DPP10: variants seen among roughly 807,000 people sequenced by gnomAD.
DPP10 encodes dipeptidyl peptidase like 10.
In DPP10, 33 loss-of-function variants were observed where a neutral mutation model predicts 120.9. The observed-to-expected ratio is 0.27, with a 90% CI of 0.21 to 0.37. The LOEUF (loss-of-function observed/expected upper bound fraction) is 0.37, where lower values mean the gene tolerates loss of function less well. Among genes scored for constraint, DPP10 ranks in the 10% least tolerant of loss-of-function variants. The pLI is 1.00. For missense variants in DPP10, 816 were observed against 942.8 expected (o/e 0.87, Z 1.76); for synonymous variants, 337 against 326.1 (o/e 1.03, Z -0.36).
chr2:115,827,414 G>GTACATATA, intron 21 of DPP10, among the ~76,000 whole-genome samples: 1 of 75,438 alleles, frequency 1.3e-5, no homozygotes, highest in South Asian at 5.0e-4. Context: ...ATGTGTGTGT[G>GTACATATA]TATATATATA....
intron 1 of DPP10, among the ~76,000 whole-genome samples, chr2:114,557,741 G>A (rs549889162): frequency 3.9e-5 from 6 of 152,144 alleles, no homozygotes; most frequent in South Asian, 4.2e-4. Flanking sequence ...CTAATGGCTC[G>A]GCTCGCGACT....
intron 5 of DPP10, among the ~76,000 whole-genome samples, chr2:115,530,523 T>TA (rs2078396825): frequency 1.3e-5 from 2 of 151,768 alleles, no homozygotes; most frequent in Non-Finnish European, 2.9e-5. Flanking sequence ...CCACAAAAAA[T>TA]ACAAAAAATT....
intron 1 of DPP10, among the ~76,000 whole-genome samples, chr2:115,203,379 G>A (rs1359639591): frequency 1.3e-5 from 2 of 152,130 alleles, no homozygotes; most frequent in Non-Finnish European, 2.9e-5. Flanking sequence ...ACAAGTGAAA[G>A]TGCTACTGAG....
intron 1 of DPP10, among the ~76,000 whole-genome samples, chr2:114,687,780 T>C (rs1039045593): frequency 4.6e-5 from 7 of 151,970 alleles, no homozygotes; most frequent in Non-Finnish European, 8.8e-5. Context: ...TGCTGTCATG[T>C]GCTAGACTCT....
At chr2:115,542,039 G>A (rs960370425) in intron 5 of DPP10, among the ~76,000 whole-genome samples, 1 of 151,994 alleles carries the variant, frequency 6.6e-6, no homozygotes, top group South Asian at 2.1e-4. Context: ...ATCAAAACCA[G>A]ACAATTGACT....
intron 1 of DPP10, among the ~76,000 whole-genome samples, chr2:114,771,779 T>C (rs1681276139): frequency 6.6e-6 from 1 of 152,172 alleles, no homozygotes; most frequent in Non-Finnish European, 1.5e-5. Flanking sequence ...CTCAGTCTGA[T>C]TTGAGGCTAA....
chr2:115,329,511 T>C (rs1193909317), intron 2 of DPP10, among the ~76,000 whole-genome samples: 1 of 152,128 alleles, frequency 6.6e-6, no homozygotes, highest in African/African-American at 2.4e-5. Flanking sequence ...TATGTATACA[T>C]GTGCCATGTT....
chr2:115,334,973 T>C (rs977013700), intron 2 of DPP10, among the ~76,000 whole-genome samples: 2 of 151,760 alleles, frequency 1.3e-5, no homozygotes, highest in African/African-American at 2.4e-5. Flanking sequence ...CTGATAAAGA[T>C]ATACCCGAGA....
intron 3 of DPP10, among the ~76,000 whole-genome samples, chr2:115,483,936 G>A (rs2075606102): frequency 6.6e-6 from 1 of 151,878 alleles, no homozygotes; most frequent in Non-Finnish European, 1.5e-5. Context: ...ACACATCCTG[G>A]CAAAAGCACA....
chr2:115,410,615 TAAAAGC>T (rs996393251), intron 3 of DPP10, among the ~76,000 whole-genome samples: 6 of 152,120 alleles, frequency 3.9e-5, no homozygotes, highest in Admixed American at 2.0e-4. Flanking sequence ...ACCTGGCACT[TAAAAGC>T]TGAAGGAAAA....
chr2:114,689,913 C>CT (rs1263864460), intron 1 of DPP10, among the ~76,000 whole-genome samples: 5 of 151,650 alleles, frequency 3.3e-5, no homozygotes, highest in Non-Finnish European at 7.4e-5. Context: ...CCTTTGCCCA[C>CT]TTTTTTTAAT....
chr2:115,402,854 A>AAAT lies in DPP10; in HGVS notation c.271+58943_271+58944insATA, dbSNP rs1476901026. 4.2e-4 allele frequency among the ~76,000 whole-genome samples: 41 copies of AAAT among 97,634 alleles called. No individual in the cohort carries two copies. In the East Asian group the frequency reaches 6.1e-3, roughly 15 times the overall value. 64.1% of individuals were successfully genotyped at this position (97,634 alleles called of 152,430 possible). On this transcript the variant is annotated intron_variant, in intron 3 of 25. Transcript: ENST00000410059. Reference sequence around the variant, plus strand: ...AGGACACTACAAGGAAAAAAAAAAAAATATATATATATATATATATATGTG... The same window carrying AAAT: ...AGGACACTACAAGGAAAAAAAAAAAAAATATATATATATATATATATATATGTG...
chr2:114,881,519 T>C (rs1174178773), intron 1 of DPP10, among the ~76,000 whole-genome samples: 3 of 151,808 alleles, frequency 2.0e-5, no homozygotes, highest in Non-Finnish European at 4.4e-5. Flanking sequence ...TGTCTATCTA[T>C]CTATCCATCT....
At chr2:115,338,778 G>A (rs894089678) in intron 2 of DPP10, among the ~76,000 whole-genome samples, 1 of 152,180 alleles carries the variant, frequency 6.6e-6, no homozygotes, top group African/African-American at 2.4e-5. Flanking sequence ...CTCATGCCAT[G>A]TGTGAAGATA....
intron 1 of DPP10, among the ~76,000 whole-genome samples, chr2:114,585,234 T>C (rs1041905668): frequency 7.2e-5 from 11 of 152,118 alleles, no homozygotes; most frequent in Admixed American, 2.0e-4. Context: ...AAAATCTAGT[T>C]TCTTGTGGTT....
At chr2:115,131,999 A>G (rs554296427) in intron 1 of DPP10, 3 of 151,976 alleles carry the variant, frequency 2.0e-5, no homozygotes, top group Non-Finnish European at 4.4e-5. Flanking sequence ...CTGGGGCAGG[A>G]TAATTGCTTA....
At chr2:114,466,138 T>C (rs906150946) in intron 1 of DPP10, among the ~76,000 whole-genome samples, 4 of 152,218 alleles carry the variant, frequency 2.6e-5, no homozygotes, top group African/African-American at 9.6e-5. Context: ...TCCCATATGA[T>C]TTATTATGGA....
chr2:114,649,245 T>C (rs1476860439), intron 1 of DPP10, among the ~76,000 whole-genome samples: 6 of 152,218 alleles, frequency 3.9e-5, no homozygotes, highest in Non-Finnish European at 8.8e-5. Context: ...GTTCTCAAAC[T>C]CTGATACACA....
intron 1 of DPP10, among the ~76,000 whole-genome samples, chr2:115,055,498 G>C (rs199731059): frequency 1.3e-5 from 2 of 152,192 alleles, no homozygotes; most frequent in East Asian, 3.9e-4. Context: ...ACTTAAACAG[G>C]TCACTTTGAA....
Sources: allele counts gnomAD v4.1 joint callset (sites outside exome capture counted in the v4.1 genomes callset), GRCh38; gene constraint gnomAD v4.1.1; transcripts MANE v1.5; gene names NCBI Gene and HGNC (gene_info 2026-07-23, HGNC 2026-07-21).